The following AFG2A variants were observed in gnomAD, a reference collection of about 807,000 sequenced individuals.
The protein encoded by AFG2A is ATPase family gene 2 protein homolog A.
chr4:123,192,029 C>CT, the AFG2A span, among the ~76,000 whole-genome samples: 237 of 145,516 alleles, frequency 1.6e-3, 1 homozygote, highest in Middle Eastern at 3.5e-3. Flanking sequence ...GTCTTTTCTT[C>CT]TTTTTTTTTT....
chr4:123,270,084 A>G, the AFG2A span, among the ~76,000 whole-genome samples: 1 of 152,130 alleles, frequency 6.6e-6, no homozygotes, highest in South Asian at 2.1e-4. Flanking sequence ...CAAAGTTCTG[A>G]GATTACAGGC....
At chr4:123,035,279 G>A in the AFG2A span, among the ~76,000 whole-genome samples, 9 of 152,040 alleles carry the variant, frequency 5.9e-5, no homozygotes, top group Admixed American at 4.6e-4. Flanking sequence ...TCCTAAGTCT[G>A]TATTCTCCTT....
the AFG2A span, among the ~76,000 whole-genome samples, chr4:123,150,556 C>A: frequency 2.0e-5 from 3 of 152,206 alleles, no homozygotes; most frequent in East Asian, 1.9e-4. Context: ...ATCCAACTTA[C>A]AAGGGATGTG....
chr4:123,161,970 C>T, the AFG2A span, among the ~76,000 whole-genome samples: 6 of 151,602 alleles, frequency 4.0e-5, no homozygotes, highest in Non-Finnish European at 8.8e-5. Context: ...CAGGATTTGA[C>T]GGGGAGGGAG....
chr4:122,972,305 A>G, the AFG2A span, among the ~76,000 whole-genome samples: 1 of 152,034 alleles, frequency 6.6e-6, no homozygotes, highest in Non-Finnish European at 1.5e-5. Context: ...AGTTATTCCT[A>G]CTATCCTCTT....
the AFG2A span, among the ~76,000 whole-genome samples, chr4:123,132,298 C>G: frequency 3.9e-5 from 6 of 152,134 alleles, no homozygotes; most frequent in South Asian, 2.1e-4. Context: ...TTTTCCCAAC[C>G]CTTAGGTCCC....
At chr4:123,066,756 A>G in the AFG2A span, among the ~76,000 whole-genome samples, 194 of 152,326 alleles carry the variant, frequency 1.3e-3, no homozygotes, top group Non-Finnish European at 1.8e-3. Flanking sequence ...TCCAATTTAT[A>G]CTTAATTGCC....
At chr4:123,058,485 C>T in the AFG2A span, among the ~76,000 whole-genome samples, 20 of 152,088 alleles carry the variant, frequency 1.3e-4, no homozygotes, top group Non-Finnish European at 2.2e-4. Flanking sequence ...ATTAGCTGGG[C>T]GTGGTGGTGG....
the AFG2A span, among the ~76,000 whole-genome samples, chr4:122,956,665 C>G: frequency 2.6e-5 from 4 of 152,172 alleles, no homozygotes; most frequent in East Asian, 7.7e-4. Flanking sequence ...GAGTCTTGCT[C>G]TGTCGCCCAG....
At chr4:123,132,754 A>T in the AFG2A span, among the ~76,000 whole-genome samples, 1 of 149,900 alleles carries the variant, frequency 6.7e-6, no homozygotes, top group Non-Finnish European at 1.5e-5. Context: ...TCTCTTCCGC[A>T]TCTCTTCCGC....
the AFG2A span, among the ~76,000 whole-genome samples, chr4:122,925,128 C>T: frequency 2.9e-4 from 44 of 152,236 alleles, no homozygotes; most frequent in African/African-American, 1.0e-3. Context: ...ACCTAAGAGT[C>T]ATCCATGACT....
the AFG2A span, among the ~76,000 whole-genome samples, chr4:123,280,645 T>G: frequency 6.6e-6 from 1 of 152,212 alleles, no homozygotes; most frequent in Non-Finnish European, 1.5e-5. Context: ...CAGCCTAGCA[T>G]CTTCAAGTAT....
At chr4:122,936,005 GTAT>G in the AFG2A span, 4 of 1,300,976 alleles carry the variant, frequency 3.1e-6, no homozygotes, top group Non-Finnish European at 4.1e-6. Context: ...GTAATTTTAA[GTAT>G]TATAGAAATA....
the AFG2A span, among the ~76,000 whole-genome samples, chr4:123,087,729 T>G: frequency 1.3e-5 from 2 of 152,138 alleles, no homozygotes; most frequent in Non-Finnish European, 2.9e-5. Context: ...AGGTTTCTCT[T>G]TGTGGGTTTC....
chr4:123,093,028 TCGC>T, the AFG2A span, among the ~76,000 whole-genome samples: 19 of 152,190 alleles, frequency 1.2e-4, no homozygotes, highest in Non-Finnish European at 2.8e-4. Context: ...CAAAAGCCCT[TCGC>T]AGTAGCACCT....
the AFG2A span, among the ~76,000 whole-genome samples, chr4:123,018,768 G>A: frequency 6.6e-6 from 1 of 151,692 alleles, no homozygotes; most frequent in Non-Finnish European, 1.5e-5. Context: ...TGAGTAGCTG[G>A]GATTACTGGC....
the AFG2A span, among the ~76,000 whole-genome samples, chr4:123,058,085 A>G: frequency 2.6e-5 from 4 of 152,180 alleles, no homozygotes; most frequent in Non-Finnish European, 5.9e-5. Flanking sequence ...GCCTCATGTG[A>G]TGAGAGTATA....
the AFG2A span, among the ~76,000 whole-genome samples, chr4:122,989,497 G>C: frequency 1.3e-5 from 2 of 152,160 alleles, no homozygotes; most frequent in African/African-American, 4.8e-5. Flanking sequence ...TGAAGGCTGA[G>C]TTCATGGATG....
chr4:123,151,683 A>G, the AFG2A span, among the ~76,000 whole-genome samples: 2 of 152,214 alleles, frequency 1.3e-5, no homozygotes, highest in African/African-American at 2.4e-5. Flanking sequence ...TGTTGGTGGG[A>G]GTATAAATTA....
Sources: allele counts gnomAD v4.1 joint callset (sites outside exome capture counted in the v4.1 genomes callset), GRCh38; gene constraint gnomAD v4.1.1; transcripts MANE v1.5; gene names NCBI Gene and HGNC (gene_info 2026-07-23, HGNC 2026-07-21).